The following TRPM3 variants were observed in gnomAD, a reference collection of about 807,000 sequenced individuals.
The protein encoded by TRPM3 is transient receptor potential cation channel subfamily M member 3, also known as long transient receptor potential channel 3.
TRPM3 carries 77 observed loss-of-function variants against 181.2 expected under a neutral mutation model. The ratio of observed to expected loss-of-function variants is 0.42; its 90% confidence interval spans 0.35 to 0.51. The LOEUF (loss-of-function observed/expected upper bound fraction) is 0.51. Ranked by LOEUF, TRPM3 falls within the 20% of genes least tolerant of loss-of-function variation. The pLI, the probability that TRPM3 is intolerant of heterozygous loss-of-function variation, is 0.01. For missense variants in TRPM3, 1,759 were observed against 2,196.7 expected (o/e 0.80, Z 3.98); for synonymous variants, 745 against 796.4 (o/e 0.94, Z 1.09).
intron 1 of TRPM3, among the ~76,000 whole-genome samples, chr9:70,977,175 C>T (rs996374518): frequency 6.6e-6 from 1 of 152,162 alleles, no homozygotes; most frequent in Non-Finnish European, 1.5e-5. Context: ...TGCTCTGTCA[C>T]CCAGGCTGGA....
intron 1 of TRPM3, among the ~76,000 whole-genome samples, chr9:71,001,072 G>A (rs1015220701): frequency 3.9e-5 from 6 of 152,200 alleles, no homozygotes; most frequent in African/African-American, 1.4e-4. Flanking sequence ...TCTCATACAG[G>A]AGAGATTGGT....
At chr9:70,743,188 T>C (rs377497089) in intron 8 of TRPM3, among the ~76,000 whole-genome samples, 24 of 152,218 alleles carry the variant, frequency 1.6e-4, no homozygotes, top group Non-Finnish European at 2.9e-4. Flanking sequence ...GCTGGAAGGA[T>C]AGACTAAGTC....
chr9:70,917,256 T>C (rs2096606483), intron 1 of TRPM3: 2 of 1,525,634 alleles, frequency 1.3e-6, no homozygotes, highest in African/African-American at 2.7e-5. Flanking sequence ...TCAGTTATCA[T>C]AAACACCAAT....
intron 1 of TRPM3, among the ~76,000 whole-genome samples, chr9:71,009,680 T>C (rs1472828950): frequency 6.6e-6 from 1 of 152,088 alleles, no homozygotes; most frequent in African/African-American, 2.4e-5. Context: ...ACAGATTTAA[T>C]GCAGTCTCTA....
chr9:70,544,450 G>T (rs997631107), intron 25 of TRPM3, among the ~76,000 whole-genome samples: 3 of 152,238 alleles, frequency 2.0e-5, no homozygotes, highest in East Asian at 1.9e-4. Context: ...TTAGCCAGGA[G>T]ATTGACATGC....
At chr9:70,619,205 T>A in intron 16 of TRPM3, 110 bp from the exon 17 acceptor site, 1 of 824,784 alleles carries the variant, frequency 1.2e-6, no homozygotes, top group Non-Finnish European at 1.9e-6. Context: ...GATGTAGGTG[T>A]TTCATATGGG....
At chr9:70,638,792 C>T (rs539629289) in intron 11 of TRPM3, among the ~76,000 whole-genome samples, 2 of 152,268 alleles carry the variant, frequency 1.3e-5, no homozygotes, top group South Asian at 4.2e-4. Flanking sequence ...TTTCCAGAGC[C>T]TTGTGGCTTT....
Position 70,958,470 on chromosome 9 carries a change from A to G in TRPM3, c.178-93959T>C, listed in dbSNP as rs538918245. On this transcript the variant is annotated intron_variant, in intron 1 of 25. Coordinates refer to ENST00000677713, the MANE Select transcript of TRPM3 (RefSeq NM_001366145.2). ...GTTTCCTGACTTTTTAATGATTGCC[A>G]TTCTAACTGGTGTGAGATGGTATCT... 1.9e-3 allele frequency among the ~76,000 whole-genome samples: 295 copies of G among 152,190 alleles called. 3 individuals carry two copies. The highest frequency in any genetic ancestry group is 6.7e-3 in the African/African-American group (277 of 41,542).
intron 1 of TRPM3, among the ~76,000 whole-genome samples, chr9:70,901,771 G>A (rs1318015221): frequency 2.0e-5 from 3 of 152,138 alleles, no homozygotes; most frequent in South Asian, 4.1e-4. Context: ...GAATAGAAAG[G>A]AGGCAGATTT....
chr9:71,088,032 A>G (rs656875), intron 1 of TRPM3, among the ~76,000 whole-genome samples: 37,203 of 151,912 alleles, frequency 0.24, 5,139 homozygotes, highest in East Asian at 0.4. Context: ...ATGAGTCCCC[A>G]TTGTGCTTGA....
chr9:70,909,273 A>G (rs375989506), intron 1 of TRPM3, among the ~76,000 whole-genome samples: 1 of 152,216 alleles, frequency 6.6e-6, no homozygotes, highest in African/African-American at 2.4e-5. Context: ...GGTTCTATCT[A>G]GCTCTTATCT....
chr9:70,570,068 GTC>G (rs1279900165), intron 22 of TRPM3, among the ~76,000 whole-genome samples: 1 of 151,924 alleles, frequency 6.6e-6, no homozygotes, highest in African/African-American at 2.4e-5. Context: ...GTGTACATAA[GTC>G]TGAAATATTT....
At chr9:70,570,302 G>GTTTTTT (rs142779238) in intron 22 of TRPM3, among the ~76,000 whole-genome samples, 6 of 68,396 alleles carry the variant, frequency 8.8e-5, no homozygotes, top group Non-Finnish European at 1.5e-4. Flanking sequence ...TATTACTAGA[G>GTTTTTT]TTTTTTTTTT....
At chr9:70,688,621 C>A (rs192150461) in intron 8 of TRPM3, among the ~76,000 whole-genome samples, 85 of 152,300 alleles carry the variant, frequency 5.6e-4, no homozygotes, top group African/African-American at 2.0e-3. Flanking sequence ...CCCAATCCCA[C>A]GTACCTGATG....
chr9:70,991,481 G>T (rs1440893085), intron 1 of TRPM3, among the ~76,000 whole-genome samples: 1 of 150,700 alleles, frequency 6.6e-6, no homozygotes, highest in East Asian at 2.0e-4. Flanking sequence ...GCACATATTT[G>T]CTGTATCATA....
In TRPM3 at chr9:71,078,796, AATTTC is replaced by A. The variant is rs1342854066; in HGVS notation, c.177+42377_177+42381del. ...CTAGAATTTTAGCTAAATATTTTCC[AATTTC>A]ATTTCAATTTAGAGCATAATAAATG... On this transcript the variant is annotated intron_variant, in intron 1 of 25. Coordinates refer to ENST00000677713, the MANE Select transcript of TRPM3 (RefSeq NM_001366145.2). Among the ~76,000 whole-genome samples, 6 of 152,172 alleles carry A rather than the reference AATTTC, an allele frequency of 3.9e-5. No individual in the cohort carries two copies. In the East Asian group the frequency reaches 5.8e-4, roughly 15 times the overall value.
At chr9:71,050,930 T>G (rs2059998914) in intron 1 of TRPM3, among the ~76,000 whole-genome samples, 1 of 152,198 alleles carries the variant, frequency 6.6e-6, no homozygotes. Flanking sequence ...GACTTATAGA[T>G]TGACTAGCAA....
intron 1 of TRPM3, among the ~76,000 whole-genome samples, chr9:70,868,389 T>G (rs780705815): frequency 4.5e-4 from 69 of 152,046 alleles, no homozygotes; most frequent in Admixed American, 2.6e-4. Flanking sequence ...ATTTTGAAAG[T>G]TAAATATACA....
intron 1 of TRPM3, among the ~76,000 whole-genome samples, chr9:71,183,861 C>T (rs7022632): frequency 0.43 from 65,775 of 151,930 alleles, 14,593 homozygotes; most frequent in East Asian, 0.52. Context: ...TTTGTGAGAA[C>T]GTAGGCCAAA....
Sources: allele counts gnomAD v4.1 joint callset (sites outside exome capture counted in the v4.1 genomes callset), GRCh38; gene constraint gnomAD v4.1.1; transcripts MANE v1.5; gene names NCBI Gene and HGNC (gene_info 2026-07-23, HGNC 2026-07-21).